The following STAU2 variants were observed in gnomAD, a reference collection of about 807,000 sequenced individuals.
STAU2 encodes the protein double-stranded RNA-binding protein Staufen homolog 2.
Under a neutral mutation model 65.9 loss-of-function variants are expected in STAU2, and 20 were observed. The ratio of observed to expected loss-of-function variants is 0.30; its 90% CI spans 0.21 to 0.44. The LOEUF is 0.44. Ranked by LOEUF, STAU2 falls within the 20% of genes least tolerant of loss-of-function variation. STAU2 has a pLI of 1.00. For synonymous variants in STAU2, 232 were observed against 233.9 expected (o/e 0.99, Z 0.07); for missense variants, 558 against 683.9 (o/e 0.82, Z 2.05).
chr8:73,470,392 C>T (rs1398819162), intron 13 of STAU2, among the ~76,000 whole-genome samples: 1 of 152,114 alleles, frequency 6.6e-6, no homozygotes, highest in African/African-American at 2.4e-5. Flanking sequence ...GGCTATAATA[C>T]CCAATACAGG....
intron 12 of STAU2, among the ~76,000 whole-genome samples, chr8:73,566,070 T>C (rs1808584173): frequency 6.6e-6 from 1 of 152,226 alleles, no homozygotes; most frequent in Non-Finnish European, 1.5e-5. Flanking sequence ...AGCCCAGCTA[T>C]CTGGGTTTGA....
chr8:73,747,374 T>C (rs1016283851), upstream of STAU2: 2 of 1,535,234 alleles, frequency 1.3e-6, no homozygotes, highest in South Asian at 1.2e-5. Context: ...GTGCTCTGAT[T>C]CCCCGCTCGT....
chr8:73,676,629 G>A (rs193263203), intron 5 of STAU2, among the ~76,000 whole-genome samples: 5 of 152,256 alleles, frequency 3.3e-5, no homozygotes, highest in Non-Finnish European at 5.9e-5. Flanking sequence ...ACGGAGTCTC[G>A]CTCTCACCCA....
chr8:73,463,258 T>C (rs1237223267), intron 13 of STAU2, among the ~76,000 whole-genome samples: 1 of 152,226 alleles, frequency 6.6e-6, no homozygotes, highest in African/African-American at 2.4e-5. Flanking sequence ...GCAACATGCA[T>C]GTGCTGGACT....
At chr8:73,662,441 T>G (rs753343839) in intron 6 of STAU2, among the ~76,000 whole-genome samples, 27 of 152,368 alleles carry the variant, frequency 1.8e-4, no homozygotes, top group Non-Finnish European at 2.8e-4. Flanking sequence ...TCTCAATTGT[T>G]GCATGATCCG....
At chr8:73,668,259 TAGAA>T (rs1817381302) in intron 6 of STAU2, among the ~76,000 whole-genome samples, 1 of 152,008 alleles carries the variant, frequency 6.6e-6, no homozygotes, top group African/African-American at 2.4e-5. Flanking sequence ...AAACAAGAGC[TAGAA>T]AGAGAGAAAT....
intron 6 of STAU2, among the ~76,000 whole-genome samples, chr8:73,666,001 A>T (rs1817210334): frequency 6.6e-6 from 1 of 152,210 alleles, no homozygotes; most frequent in East Asian, 1.9e-4. Flanking sequence ...ATGTCTGTAC[A>T]TGTTCAATAC....
chr8:73,564,444 C>T (rs866912164), intron 12 of STAU2, among the ~76,000 whole-genome samples: 1 of 152,046 alleles, frequency 6.6e-6, no homozygotes, highest in Non-Finnish European at 1.5e-5. Flanking sequence ...TATGAGACCA[C>T]ATGAACACAT....
At chr8:73,645,246 G>A (rs1008635193) in intron 6 of STAU2, among the ~76,000 whole-genome samples, 17 of 152,148 alleles carry the variant, frequency 1.1e-4, no homozygotes, top group African/African-American at 4.1e-4. Flanking sequence ...CTTAGACCAT[G>A]ACCAAGTATC....
chr8:73,605,733 A>G (rs191141248), intron 9 of STAU2, among the ~76,000 whole-genome samples: 6,649 of 152,078 alleles, frequency 0.044, 356 homozygotes, highest in Admixed American at 0.16. Flanking sequence ...TCAAGATTAT[A>G]AAACTATGGC....
chr8:73,526,193 C>T (rs1805444112), intron 13 of STAU2, among the ~76,000 whole-genome samples: 1 of 152,204 alleles, frequency 6.6e-6, no homozygotes, highest in Non-Finnish European at 1.5e-5. Context: ...TGTAAGTCAT[C>T]TAACCCAACT....
At chr8:73,431,931 A>C (rs1457940207) in intron 13 of STAU2, among the ~76,000 whole-genome samples, 1 of 152,228 alleles carries the variant, frequency 6.6e-6, no homozygotes, top group African/African-American at 2.4e-5. Flanking sequence ...TCTGAGAGAT[A>C]ATGGCAGTCT....
chr8:73,610,179 G>A (rs752432773), intron 9 of STAU2, among the ~76,000 whole-genome samples: 2 of 151,826 alleles, frequency 1.3e-5, no homozygotes, highest in Admixed American at 6.6e-5. Context: ...TACTTGGGAG[G>A]TGGGAGGATC....
intron 6 of STAU2, among the ~76,000 whole-genome samples, chr8:73,619,978 G>A (rs1813107648): frequency 6.6e-6 from 1 of 152,050 alleles, no homozygotes; most frequent in East Asian, 1.9e-4. Flanking sequence ...TATAAACAAA[G>A]ATTAAAAAGC....
intron 6 of STAU2, among the ~76,000 whole-genome samples, chr8:73,636,342 A>T (rs1417802068): frequency 6.6e-6 from 1 of 151,496 alleles, no homozygotes; most frequent in East Asian, 2.0e-4. Flanking sequence ...GCACCACTGC[A>T]CTCCAGCCTG....
chr8:73,606,006 T>C (rs1207946860), intron 9 of STAU2, among the ~76,000 whole-genome samples: 2 of 42,800 alleles, frequency 4.7e-5, no homozygotes, highest in East Asian at 9.5e-4. Flanking sequence ...GCTATTCATA[T>C]GTAAAAAGAA....
At chr8:73,690,157 T>TC (rs753800150) in intron 4 of STAU2, among the ~76,000 whole-genome samples, 2 of 151,630 alleles carry the variant, frequency 1.3e-5, no homozygotes, top group Non-Finnish European at 2.9e-5. Context: ...TGAATCCCCA[T>TC]CCCTACTAAA....
chr8:73,636,443 T>C (rs1053354831), intron 6 of STAU2, among the ~76,000 whole-genome samples: 3 of 151,986 alleles, frequency 2.0e-5, no homozygotes, highest in Non-Finnish European at 4.4e-5. Flanking sequence ...CTACAACATA[T>C]AATTTTACAA....
At chr8:73,698,107 AT>A (rs976954569) in intron 4 of STAU2, among the ~76,000 whole-genome samples, 2 of 152,064 alleles carry the variant, frequency 1.3e-5, no homozygotes, top group African/African-American at 4.8e-5. Context: ...TTTAAAAAAG[AT>A]AGTATTTGCA....
Sources: gnomAD v4.1 joint callset for allele counts (sites outside exome capture counted in the v4.1 genomes callset) on GRCh38, gnomAD v4.1.1 for gene constraint, MANE v1.5 for transcripts, NCBI Gene and HGNC (gene_info 2026-07-23, HGNC 2026-07-21) for gene names.